The following NLRP9 variants were observed in gnomAD, a reference collection of about 807,000 sequenced individuals.
NLRP9 encodes NLR family pyrin domain containing 9.
NLRP9 carries 88 observed loss-of-function variants against 83.1 expected under a neutral mutation model. That is an observed-to-expected ratio of 1.06 (90% CI 0.89 to 1.26). The LOEUF (loss-of-function observed/expected upper bound fraction) is 1.26, where lower values mean the gene tolerates loss of function less well. NLRP9 is among the 50% of genes most tolerant of loss of function. NLRP9 has a pLI of 0.00. For missense variants in NLRP9, 1,308 were observed against 1,179.3 expected, an observed-to-expected ratio of 1.11 and a Z score of -1.60; for synonymous variants, 521 against 447.6, an observed-to-expected ratio of 1.16 and a Z score of -2.07.
intron 8 of NLRP9, 153 bp from the exon 9 acceptor site, chr19:55,709,197 T>A (rs1183362169): frequency 1.9e-6 from 1 of 519,260 alleles, no homozygotes; most frequent in Non-Finnish European, 3.2e-6. Context: ...AGCATGAATC[T>A]TTCCTATAGG....
rs1358518519 is a variant in NLRP9 at position 55,734,135 on chromosome 19, G to A, written c.281-585C>T. Among the ~76,000 whole-genome samples the A allele has an allele frequency of 2.0e-5, 3 of 151,592 alleles. No individual in the cohort carries two copies. In the East Asian group the frequency reaches 5.8e-4, roughly 29 times the overall value. Reference sequence around the variant, plus strand: ...AGACGGAGTTTCACCGTGTTAGCCAGGATGGTCTCGATCTCCTGACCTCAT... The same window carrying A: ...AGACGGAGTTTCACCGTGTTAGCCAAGATGGTCTCGATCTCCTGACCTCAT... On this transcript the variant is annotated intron_variant, in intron 1 of 8. Transcript: ENST00000332836.
chr19:55,729,050 C>CTTTTTTTTTTTTTTTT (rs374589373), intron 3 of NLRP9, among the ~76,000 whole-genome samples: 4 of 70,246 alleles, frequency 5.7e-5, no homozygotes, highest in Non-Finnish European at 8.0e-5. Context: ...TTTTCTTTTT[C>CTTTTTTTTTTTTTTTT]TTTTTTTTTT....
intron 3 of NLRP9, among the ~76,000 whole-genome samples, chr19:55,729,581 C>G (rs892419878): frequency 6.6e-6 from 1 of 152,010 alleles, no homozygotes; most frequent in African/African-American, 2.4e-5. Flanking sequence ...TTTTTTATGG[C>G]TGCATAGTAT....
intron 8 of NLRP9, chr19:55,711,305 A>T (rs954480572): frequency 1.1e-6 from 1 of 938,002 alleles, no homozygotes; most frequent in Admixed American, 5.5e-5. Context: ...AAATTAACAT[A>T]AAAAATTCAT....
chr19:55,732,807 A>AC lies in NLRP9; in HGVS notation c.1023dup (p.Leu342ValfsTer17), dbSNP rs1568603939. On this transcript the variant is annotated frameshift_variant, in exon 2 of 9. Coordinates refer to ENST00000332836, the MANE Select transcript of NLRP9 (RefSeq NM_176820.4). LOFTEE classifies it high-confidence loss of function. Reference sequence around the variant, plus strand: ...CTCTGTTTCACACAAGTACAGACCAACCAGCACGTAAAGGGATTATGGCAC... The same window carrying AC: ...CTCTGTTTCACACAAGTACAGACCAACCCAGCACGTAAAGGGATTATGGCAC... The AC allele has an allele frequency of 5.0e-6, 8 of 1,614,048 alleles. No individual in the cohort carries two copies. Among genetic ancestry groups the AC allele is most frequent in the African/African-American group, 2.7e-5 (2 of 74,908 alleles).
At position 55,733,178 on chromosome 19, in the gene NLRP9, GA is replaced by G; in HGVS notation, c.652del (p.Ser218ProfsTer16). The G allele has an allele frequency of 6.2e-7, 1 of 1,613,372 alleles. No homozygotes were observed. The highest frequency in any genetic ancestry group is 8.5e-7 in the Non-Finnish European group (1 of 1,179,810). ...ESSEKIEDIF[S>X]QPERILFIMD... ...GATGAACAGAATTCTCTCTGGCTGG[GA>G]AAAAATGTCTTCGATCTTCTCTGAA... On this transcript the variant is annotated frameshift_variant, in exon 2 of 9. Coordinates refer to ENST00000332836, the MANE Select transcript of NLRP9 (RefSeq NM_176820.4). LOFTEE classifies it high-confidence loss of function.
At chr19:55,736,160 G>A (rs1988779159) in intron 1 of NLRP9, among the ~76,000 whole-genome samples, 2 of 151,992 alleles carry the variant, frequency 1.3e-5, no homozygotes, top group African/African-American at 4.8e-5. Context: ...GGGAGGCTGA[G>A]GTGGGTGGAT....
At position 55,732,660 on chromosome 19, in the gene NLRP9, G is replaced by T. The variant is rs1276133854; in HGVS notation, c.1171C>A (p.Arg391=). ...GCCAAAGCACACAGGCTTTTTAGTC[G>T]GGCTCTGTTCACCTTAGGTGGAAAA... ...QSFPPKVNRA[R]LKSLCALAAE... Residue 391 remains arginine, a synonymous_variant, in exon 2 of 9, where the codon CGA becomes AGA. Transcript: ENST00000332836. The T allele has an allele frequency of 5.0e-6, 8 of 1,614,076 alleles. No individual in the cohort carries two copies. In the East Asian group the frequency reaches 1.8e-4, roughly 36 times the overall value.
chr19:55,711,980 G>A lies in NLRP9; in HGVS notation c.2673-10C>T, dbSNP rs1208030140. The A allele has an allele frequency of 1.9e-6, 3 of 1,610,950 alleles. No homozygotes were observed. Among genetic ancestry groups the A allele is most frequent in the East Asian group, 2.2e-5 (1 of 44,814 alleles). On this transcript the variant is annotated splice_polypyrimidine_tract_variant and intron_variant, in intron 7 of 8. Transcript: ENST00000332836. ...CGGACACGTTTGCAGCCTGCAAAAGGGAAACACACCAGAGAATCCACTCTA... is the reference window on the plus strand; with the variant it reads ...CGGACACGTTTGCAGCCTGCAAAAGAGAAACACACCAGAGAATCCACTCTA...
intron 6 of NLRP9, among the ~76,000 whole-genome samples, chr19:55,714,168 T>C (rs555118754): frequency 6.6e-6 from 1 of 151,926 alleles, no homozygotes; most frequent in Non-Finnish European, 1.5e-5. Context: ...GCAGAGGGAA[T>C]GAATGAGTCT....
At chr19:55,731,917 TA>T (rs1445815026) in intron 2 of NLRP9, 81 bp downstream of exon 2, 4 of 852,672 alleles carry the variant, frequency 4.7e-6, no homozygotes, top group Non-Finnish European at 7.4e-6. Flanking sequence ...CACAGTGGCA[TA>T]AGGCCCATGA....
intron 3 of NLRP9, among the ~76,000 whole-genome samples, chr19:55,728,509 T>C (rs993068426): frequency 3.3e-5 from 5 of 149,444 alleles, no homozygotes; most frequent in Non-Finnish European, 5.9e-5. Context: ...GAGGTGGAGG[T>C]TGCGGTGAGC....
At chr19:55,718,548 A>T (rs1353966671) in intron 4 of NLRP9, among the ~76,000 whole-genome samples, 3 of 152,210 alleles carry the variant, frequency 2.0e-5, no homozygotes, top group East Asian at 1.9e-4. Context: ...TTGGATGAAG[A>T]GAAACATAAA....
At chr19:55,726,538 T>C (rs980507766) in intron 3 of NLRP9, among the ~76,000 whole-genome samples, 1 of 152,216 alleles carries the variant, frequency 6.6e-6, no homozygotes, top group African/African-American at 2.4e-5. Flanking sequence ...CATCTGTTAT[T>C]AGTCTGCCCT....
intron 6 of NLRP9, among the ~76,000 whole-genome samples, chr19:55,713,679 C>A: frequency 3.7e-5 from 1 of 27,210 alleles, no homozygotes; most frequent in South Asian, 1.7e-3. Flanking sequence ...TCCCTCCCCA[C>A]CTCTCCCCTC....
At chr19:55,728,913 T>C (rs1207785970) in intron 3 of NLRP9, among the ~76,000 whole-genome samples, 1 of 152,136 alleles carries the variant, frequency 6.6e-6, no homozygotes, top group African/African-American at 2.4e-5. Flanking sequence ...ACAACTGTGT[T>C]TCTATCCTCT....
intron 4 of NLRP9, among the ~76,000 whole-genome samples, chr19:55,717,714 C>G (rs77390014): frequency 0.023 from 3,468 of 152,278 alleles, 96 homozygotes; most frequent in East Asian, 0.17. Flanking sequence ...TTTGCAGCCA[C>G]TAAGTAGGTG....
At chr19:55,722,655 T>C (rs976496459) in intron 4 of NLRP9, among the ~76,000 whole-genome samples, 8 of 152,210 alleles carry the variant, frequency 5.3e-5, no homozygotes, top group Non-Finnish European at 1.0e-4. Context: ...TTTGGAAAGA[T>C]GGATTGGCCA....
At chr19:55,718,320 C>G (rs1988098225) in intron 4 of NLRP9, among the ~76,000 whole-genome samples, 1 of 152,152 alleles carries the variant, frequency 6.6e-6, no homozygotes, top group South Asian at 2.1e-4. Context: ...CGTAAAGGGT[C>G]TGTGCTGAGG....
Sources: allele counts gnomAD v4.1 joint callset (sites outside exome capture counted in the v4.1 genomes callset), GRCh38; gene constraint gnomAD v4.1.1; transcripts MANE v1.5; gene names NCBI Gene and HGNC (gene_info 2026-07-23, HGNC 2026-07-21).